Variants in DRC8 observed in about 807,000 individuals in gnomAD.
DRC8 encodes dynein regulatory complex protein 8.
chr1:245,115,992 TTC>T, the DRC8 span, among the ~76,000 whole-genome samples: 2 of 151,752 alleles, frequency 1.3e-5, no homozygotes, highest in African/African-American at 4.8e-5. Context: ...GTTCAAGCAA[TTC>T]TCTTGCCTCA....
At chr1:244,973,550 A>G in the DRC8 span, among the ~76,000 whole-genome samples, 1 of 152,214 alleles carries the variant, frequency 6.6e-6, no homozygotes, top group Non-Finnish European at 1.5e-5. Flanking sequence ...CTAAAAGTAC[A>G]CAAAACTCGT....
the DRC8 span, chr1:245,002,069 T>C: frequency 2.1e-6 from 3 of 1,442,666 alleles, no homozygotes; most frequent in African/African-American, 1.4e-5. Context: ...ATCACTCATA[T>C]GACAATTTTT....
At chr1:245,021,505 G>A in the DRC8 span, among the ~76,000 whole-genome samples, 1 of 151,946 alleles carries the variant, frequency 6.6e-6, no homozygotes, top group Non-Finnish European at 1.5e-5. Context: ...GCCCAATCTC[G>A]GCTCATTGTA....
chr1:245,053,663 A>G, the DRC8 span, among the ~76,000 whole-genome samples: 1 of 152,128 alleles, frequency 6.6e-6, no homozygotes, highest in Non-Finnish European at 1.5e-5. Flanking sequence ...TTCTTATATC[A>G]TCAGGCCTTT....
chr1:245,023,414 T>C, the DRC8 span, among the ~76,000 whole-genome samples: 2 of 152,238 alleles, frequency 1.3e-5, no homozygotes, highest in African/African-American at 4.8e-5. Flanking sequence ...TGCTGGATCA[T>C]GTGGTAGTTC....
the DRC8 span, among the ~76,000 whole-genome samples, chr1:244,983,465 CGTG>C: frequency 6.6e-6 from 1 of 151,974 alleles, no homozygotes; most frequent in Admixed American, 6.6e-5. Context: ...TCGGGCCTGG[CGTG>C]GTAGCTCACA....
At chr1:244,982,310 T>C in the DRC8 span, among the ~76,000 whole-genome samples, 2 of 152,148 alleles carry the variant, frequency 1.3e-5, no homozygotes, top group African/African-American at 4.8e-5. Context: ...GAACCAGACT[T>C]AGATATATGA....
the DRC8 span, among the ~76,000 whole-genome samples, chr1:245,023,664 A>G: frequency 6.6e-6 from 1 of 152,152 alleles, no homozygotes; most frequent in Non-Finnish European, 1.5e-5. Context: ...GATTAGTAAT[A>G]TTGAACATCT....
chr1:245,037,994 G>T, the DRC8 span, among the ~76,000 whole-genome samples: 1 of 152,028 alleles, frequency 6.6e-6, no homozygotes. Flanking sequence ...TGAACAAATA[G>T]ACATACCATG....
chr1:245,037,721 T>C, the DRC8 span, among the ~76,000 whole-genome samples: 1 of 152,128 alleles, frequency 6.6e-6, no homozygotes, highest in African/African-American at 2.4e-5. Context: ...CACAGATATA[T>C]GATTAAATAT....
chr1:244,992,921 A>G, the DRC8 span, among the ~76,000 whole-genome samples: 2 of 152,174 alleles, frequency 1.3e-5, no homozygotes, highest in African/African-American at 4.8e-5. Context: ...AGGGTCTCTC[A>G]TAGTCTGGGG....
chr1:245,107,777 T>C, the DRC8 span, among the ~76,000 whole-genome samples: 1 of 152,144 alleles, frequency 6.6e-6, no homozygotes, highest in Admixed American at 6.5e-5. Context: ...AGCTACCCTT[T>C]AGTTGGTGAC....
At chr1:244,998,860 T>C in the DRC8 span, among the ~76,000 whole-genome samples, 5 of 152,062 alleles carry the variant, frequency 3.3e-5, no homozygotes, top group African/African-American at 1.2e-4. Flanking sequence ...TTATATTACC[T>C]GCTTAGGATT....
chr1:245,015,479 G>A, the DRC8 span, among the ~76,000 whole-genome samples: 3 of 152,148 alleles, frequency 2.0e-5, no homozygotes, highest in African/African-American at 7.2e-5. Flanking sequence ...GGGAGGCTGA[G>A]GCGGGTGGAT....
chr1:245,119,932 CA>C, the DRC8 span, among the ~76,000 whole-genome samples: 4 of 99,602 alleles, frequency 4.0e-5, no homozygotes, highest in East Asian at 2.5e-4. Flanking sequence ...GACCCCGTCT[CA>C]AAAAAAAATA....
At chr1:245,005,950 G>C in the DRC8 span, among the ~76,000 whole-genome samples, 1 of 152,024 alleles carries the variant, frequency 6.6e-6, no homozygotes, top group Non-Finnish European at 1.5e-5. Context: ...CCAGGCAGGA[G>C]TGTCCATCAC....
the DRC8 span, among the ~76,000 whole-genome samples, chr1:245,103,637 G>A: frequency 7.0e-6 from 1 of 143,590 alleles, no homozygotes; most frequent in Non-Finnish European, 1.5e-5. Flanking sequence ...GGTCAGGAGG[G>A]GGGACCAGAG....
the DRC8 span, among the ~76,000 whole-genome samples, chr1:244,976,643 G>A: frequency 6.6e-6 from 1 of 152,166 alleles, no homozygotes; most frequent in African/African-American, 2.4e-5. Flanking sequence ...CAAATAATAA[G>A]TATTGGTGAG....
chr1:245,105,645 A>G, the DRC8 span, among the ~76,000 whole-genome samples: 3 of 151,886 alleles, frequency 2.0e-5, no homozygotes, highest in South Asian at 6.2e-4. Flanking sequence ...AAAACAAAAA[A>G]CAAAAACAAA....
Sources: allele counts gnomAD v4.1 joint callset (sites outside exome capture counted in the v4.1 genomes callset), GRCh38; gene constraint gnomAD v4.1.1; transcripts MANE v1.5; gene names NCBI Gene and HGNC (gene_info 2026-07-23, HGNC 2026-07-21).